The following SNX29 variants were observed in gnomAD, a reference collection of about 807,000 sequenced individuals.
SNX29 encodes sorting nexin-29.
Under a neutral mutation model 102.1 loss-of-function variants are expected in SNX29, and 78 were observed. That is an observed-to-expected ratio of 0.76 (90% CI 0.64 to 0.92). SNX29 has a LOEUF of 0.92. Among genes scored for constraint, SNX29 ranks in the 40% least tolerant of loss-of-function variants. The pLI, the probability that SNX29 is intolerant of heterozygous loss-of-function variation, is 0.00. For synonymous variants in SNX29, 580 were observed against 414.5 expected, an observed-to-expected ratio of 1.40 and a Z score of -4.85; for missense variants, 1,280 against 1,061.7, an observed-to-expected ratio of 1.21 and a Z score of -2.86.
rs186772773 is a variant in SNX29, at chr16:12,573,987, G to A, written c.*5358G>A. 1.4e-3 allele frequency: 269 copies of A among 198,492 alleles called. 1 individual carries two copies. The highest frequency in any genetic ancestry group is 2.1e-3 in the Non-Finnish European group (200 of 95,936). The allele number at this position is 198,492 out of a possible 1,614,324, so 12.3% of individuals were successfully genotyped here. Reference sequence around the variant, plus strand: ...ACCCCACTAGGGGGCGCCCATGATCGGCTCCCAGTGCACCCCCTTAAGGGT... The same window carrying A: ...ACCCCACTAGGGGGCGCCCATGATCAGCTCCCAGTGCACCCCCTTAAGGGT... On this transcript the variant is annotated 3_prime_UTR_variant, in exon 21 of 21. Coordinates refer to ENST00000566228, the MANE Select transcript of SNX29 (RefSeq NM_032167.5).
chr16:12,433,612 C>T (rs2085403603), intron 18 of SNX29, among the ~76,000 whole-genome samples: 1 of 133,238 alleles, frequency 7.5e-6, no homozygotes, highest in African/African-American at 2.9e-5. Context: ...GCCTGGGCAA[C>T]AGAGCAAGAC....
At chr16:12,222,495 G>C (rs1397683452) in intron 14 of SNX29, among the ~76,000 whole-genome samples, 2 of 152,204 alleles carry the variant, frequency 1.3e-5, no homozygotes, top group African/African-American at 4.8e-5. Context: ...GCTTCCCGCT[G>C]GGCTTCTGGT....
chr16:12,424,681 T>C (rs2084988649), intron 18 of SNX29, among the ~76,000 whole-genome samples: 1 of 152,190 alleles, frequency 6.6e-6, no homozygotes, highest in African/African-American at 2.4e-5. Context: ...ATTTTGATTG[T>C]TGAAATAGAC....
rs537012110 is a variant in SNX29 at position 12,086,513 on chromosome 16, C to T, written c.1402+7598C>T. On this transcript the variant is annotated intron_variant, in intron 11 of 20. Coordinates refer to ENST00000566228, the MANE Select transcript of SNX29 (RefSeq NM_032167.5). ...GCAGCCTTGAACTCCTGGGCTTAAG[C>T]GATCCTCCTGCCTCAGCTTCCCAAG... Among the ~76,000 whole-genome samples, 77 of 152,084 alleles carry T rather than the reference C, an allele frequency of 5.1e-4. 1 individual carries two copies. Among genetic ancestry groups the T allele is most frequent in the Admixed American group, 3.3e-4 (5 of 15,284 alleles).
intron 18 of SNX29, among the ~76,000 whole-genome samples, chr16:12,437,717 A>G (rs1187911542): frequency 3.9e-5 from 6 of 152,048 alleles, no homozygotes; most frequent in Non-Finnish European, 5.9e-5. Flanking sequence ...CGGCACCCAG[A>G]TTTATCTCCA....
At chr16:12,547,882 C>T (rs1049716621) in intron 20 of SNX29, among the ~76,000 whole-genome samples, 4 of 152,156 alleles carry the variant, frequency 2.6e-5, no homozygotes, top group African/African-American at 4.8e-5. Flanking sequence ...CCTTCAGCAG[C>T]AGTTCTAGGG....
chr16:12,270,848 C>G (rs963357452), intron 14 of SNX29, among the ~76,000 whole-genome samples: 1 of 151,938 alleles, frequency 6.6e-6, no homozygotes, highest in African/African-American at 2.4e-5. Context: ...TCGAGACCCA[C>G]CTGGTCAATG....
chr16:12,013,500 A>AAAAAAAAAAAATATATATATAT, intron 3 of SNX29, among the ~76,000 whole-genome samples: 1 of 31,626 alleles, frequency 3.2e-5, no homozygotes, highest in African/African-American at 9.8e-5. Context: ...AAAAAAAAAA[A>AAAAAAAAAAAATATATATATAT]ATATATATAT....
At chr16:12,534,825 G>GCT (rs2077028348) in intron 20 of SNX29, among the ~76,000 whole-genome samples, 1 of 152,192 alleles carries the variant, frequency 6.6e-6, no homozygotes. Context: ...TCCAGGCACA[G>GCT]CTGGGAGTGA....
intron 19 of SNX29, among the ~76,000 whole-genome samples, chr16:12,510,850 TC>T: frequency 1.3e-5 from 2 of 152,056 alleles, no homozygotes; most frequent in South Asian, 4.1e-4. Context: ...ATTTGTTGTG[TC>T]CTGCTGAGGG....
In SNX29 at chr16:12,568,693, C is replaced by CCGCTGG. The variant is rs2079117074; in HGVS notation, c.*66_*71dup. 5 of 1,575,418 alleles carry CCGCTGG rather than the reference C, an allele frequency of 3.2e-6. No homozygotes were observed. The highest frequency in any genetic ancestry group is 4.3e-6 in the Non-Finnish European group (5 of 1,166,030). On this transcript the variant is annotated 3_prime_UTR_variant, in exon 21 of 21. Transcript: ENST00000566228. ...CCAGCTGCGTCCACCCCAGCCACTG[C>CCGCTGG]CGCTGGCCCCTCACCTCAGCGTGAC...
chr16:12,441,637 A>G (rs1172240286), intron 18 of SNX29, among the ~76,000 whole-genome samples: 2 of 152,084 alleles, frequency 1.3e-5, no homozygotes, highest in Non-Finnish European at 2.9e-5. Context: ...GTAAAGTCCA[A>G]TTTATCTGTT....
At chr16:12,002,161 T>G (rs1455969052) in intron 2 of SNX29, among the ~76,000 whole-genome samples, 1 of 152,022 alleles carries the variant, frequency 6.6e-6, no homozygotes, top group East Asian at 1.9e-4. Context: ...AAAAGTAGCC[T>G]GCAGGGCCGG....
chr16:11,979,240 A>G lies in SNX29; in HGVS notation c.7+2427A>G, dbSNP rs551330880. On this transcript the variant is annotated intron_variant, in intron 1 of 20. Transcript: ENST00000566228. The stretch of plus-strand genomic sequence containing the variant: ...CAGTGAGCGGTGATCATGCCACTGC[A>G]CTCCAGCCTGGGCAACAGAGTGAGA... 4.7e-3 allele frequency among the ~76,000 whole-genome samples: 586 copies of G among 124,952 alleles called. 2 individuals carry two copies. Among genetic ancestry groups the G allele is most frequent in the Non-Finnish European group, 6.7e-3 (423 of 63,608 alleles). 82.0% of individuals were successfully genotyped at this position (124,952 alleles called of 152,430 possible).
rs575176778 is a variant in SNX29 at position 12,269,640 on chromosome 16, C to T, written c.1679-8293C>T. Reference sequence around the variant, plus strand: ...CCAGGGCAAAATACAAATTTCTGAACACTGTCAAGGTAACTCAGAATATGG... The same window carrying T: ...CCAGGGCAAAATACAAATTTCTGAATACTGTCAAGGTAACTCAGAATATGG... On this transcript the variant is annotated intron_variant, in intron 14 of 20. Transcript: ENST00000566228. 4.3e-4 allele frequency among the ~76,000 whole-genome samples: 65 copies of T among 152,254 alleles called. No homozygotes were observed. The Middle Eastern group carries it at 0.01, about 24-fold the overall frequency.
chr16:12,339,098 T>G (rs1419658991), intron 15 of SNX29, among the ~76,000 whole-genome samples: 5 of 152,196 alleles, frequency 3.3e-5, no homozygotes, highest in Admixed American at 3.3e-4. Context: ...CCGGGCATGG[T>G]GGCTCACACC....
intron 3 of SNX29, among the ~76,000 whole-genome samples, chr16:12,021,030 A>C (rs919037543): frequency 1.3e-5 from 2 of 152,106 alleles, no homozygotes; most frequent in Non-Finnish European, 2.9e-5. Flanking sequence ...GGTACAGCAG[A>C]CTCCATTCCA....
At chr16:12,415,606 C>T (rs1020463894) in intron 18 of SNX29, among the ~76,000 whole-genome samples, 5 of 152,188 alleles carry the variant, frequency 3.3e-5, no homozygotes, top group East Asian at 3.9e-4. Flanking sequence ...CGTCTGCCTC[C>T]GTCAGACCTT....
At chr16:12,342,205 A>T (rs1164629366) in intron 15 of SNX29, among the ~76,000 whole-genome samples, 2 of 152,238 alleles carry the variant, frequency 1.3e-5, no homozygotes, top group East Asian at 1.9e-4. Context: ...TGAGTCACCC[A>T]GAGAAAAAGT....
Sources: gnomAD v4.1 joint callset for allele counts (sites outside exome capture counted in the v4.1 genomes callset) on GRCh38, gnomAD v4.1.1 for gene constraint, MANE v1.5 for transcripts, NCBI Gene and HGNC (gene_info 2026-07-23, HGNC 2026-07-21) for gene names.